The following PRDM9 variants were observed in gnomAD, a reference collection of about 807,000 sequenced individuals.
The protein encoded by PRDM9 is PR/SET domain 9.
PRDM9 carries 47 observed loss-of-function variants against 55.6 expected under a neutral mutation model. That is an observed-to-expected ratio of 0.85 (90% CI 0.67 to 1.08). The LOEUF (loss-of-function observed/expected upper bound fraction) is 1.08. Among genes scored for constraint, PRDM9 ranks in the 50% least tolerant of loss-of-function variants. PRDM9 has a pLI of 0.00. For synonymous variants in PRDM9, 312 were observed against 375.7 expected, an observed-to-expected ratio of 0.83 and a Z score of 1.96; for missense variants, 867 against 1,040.3, an observed-to-expected ratio of 0.83 and a Z score of 2.29.
chr5:23,509,363 C>A (rs529836450), intron 2 of PRDM9, 107 bp from the exon 3 acceptor site: 1 of 1,572,150 alleles, frequency 6.4e-7, no homozygotes, highest in Non-Finnish European at 8.7e-7. Context: ...TTATGTTTCA[C>A]AGAGACTCCC....
intron 4 of PRDM9, among the ~76,000 whole-genome samples, chr5:23,517,539 A>C (rs1424319332): frequency 1.3e-5 from 2 of 152,144 alleles, no homozygotes; most frequent in African/African-American, 4.8e-5. Flanking sequence ...TAATCTCAGC[A>C]CTTTGGGAGG....
chr5:23,515,149 G>C (rs1739182869), intron 4 of PRDM9, among the ~76,000 whole-genome samples: 1 of 151,770 alleles, frequency 6.6e-6, no homozygotes, highest in Non-Finnish European at 1.5e-5. Context: ...ATTTTTAGTA[G>C]AGACAGGGTT....
chr5:23,509,234 G>A, intron 2 of PRDM9, 132 bp downstream of exon 2: 2 of 1,366,930 alleles, frequency 1.5e-6, no homozygotes, highest in South Asian at 1.2e-5. Context: ...TCCTGGCCAG[G>A]ACATGGGGGA....
intron 9 of PRDM9, 111 bp downstream of exon 9, chr5:23,523,469 A>G (rs1739374569): frequency 7.0e-6 from 8 of 1,134,858 alleles, no homozygotes; most frequent in Admixed American, 3.7e-5. Flanking sequence ...CCCTATTTCT[A>G]TTTTTCTCCA....
At chr5:23,523,258 A>G in intron 8 of PRDM9, 33 bp from the exon 9 acceptor site, 1 of 1,598,374 alleles carries the variant, frequency 6.3e-7, no homozygotes, top group Non-Finnish European at 8.6e-7. Context: ...TTTACCCTCT[A>G]AAAAGCCTTT....
intron 4 of PRDM9, among the ~76,000 whole-genome samples, chr5:23,517,518 G>A (rs1473942844): frequency 1.3e-5 from 2 of 152,136 alleles, no homozygotes; most frequent in African/African-American, 4.8e-5. Flanking sequence ...CGGCATGGTG[G>A]CTCACGCCTG....
chr5:23,515,027 G>A (rs570379497), intron 4 of PRDM9, among the ~76,000 whole-genome samples: 4 of 150,564 alleles, frequency 2.7e-5, no homozygotes, highest in Admixed American at 1.3e-4. Flanking sequence ...GCAATGGAGC[G>A]ATCTCAGCTC....
At chr5:23,526,014 A>G (rs561945224) in intron 10 of PRDM9, among the ~76,000 whole-genome samples, 3 of 152,324 alleles carry the variant, frequency 2.0e-5, no homozygotes, top group Middle Eastern at 3.4e-3. Context: ...GCAGATATGT[A>G]GAAAAGGACC....
rs982303249 is a variant in PRDM9, at chr5:23,526,560, A to C, written c.1472A>C (p.Lys491Thr). ...KGQMGSCRVG[K>T]RIMEEESRTG... Reference sequence around the variant, plus strand: ...CAAATGGGGAGCTGTAGAGTGGGAAAAAGAATAATGGAAGAAGAGTCCAGA... The same window carrying C: ...CAAATGGGGAGCTGTAGAGTGGGAACAAGAATAATGGAAGAAGAGTCCAGA... Residue 491 changes from lysine to threonine, a missense_variant, in exon 11 of 11, where the codon AAA becomes ACA. Lys to Thr is a moderately conservative substitution (Grantham distance 78, BLOSUM62 -1). Transcript: ENST00000296682. The C allele has an allele frequency of 3.7e-6, 6 of 1,614,126 alleles. No individual in the cohort carries two copies. The highest frequency in any genetic ancestry group is 5.1e-6 in the Non-Finnish European group (6 of 1,180,050).
chr5:23,514,523 A>C (rs1028095074), intron 4 of PRDM9, among the ~76,000 whole-genome samples: 8 of 151,840 alleles, frequency 5.3e-5, no homozygotes, highest in African/African-American at 1.9e-4. Flanking sequence ...ATCTCAGCTC[A>C]CTGCAAACTC....
chr5:23,509,008 A>G lies in PRDM9; in HGVS notation c.-26A>G. 1 of 1,613,054 alleles carries G rather than the reference A, an allele frequency of 6.2e-7. No homozygotes were observed. Among genetic ancestry groups the G allele is most frequent in the Non-Finnish European group, 8.5e-7 (1 of 1,179,194 alleles). ...CCCTTCTCACACTCAGAATTGGAGC[A>G]GGGCCTTCTAGACAGTCCCAGCACC... is the stretch of plus-strand genomic sequence containing the variant. On this transcript the variant is annotated 5_prime_UTR_variant, in exon 2 of 11. Coordinates refer to ENST00000296682, the MANE Select transcript of PRDM9 (RefSeq NM_020227.4).
chr5:23,518,981 A>T (rs1421859471), intron 5 of PRDM9, among the ~76,000 whole-genome samples: 1 of 152,176 alleles, frequency 6.6e-6, no homozygotes, highest in Admixed American at 6.5e-5. Context: ...AATGCTGAAA[A>T]TATCTTTGAG....
In PRDM9 at chr5:23,522,345, C is replaced by T. The variant is rs181064967; in HGVS notation, c.550C>T (p.Arg184Ter). 1.1e-5 allele frequency: 17 copies of T among 1,613,998 alleles called. No homozygotes were observed. Among genetic ancestry groups the T allele is most frequent in the South Asian group, 4.4e-5 (4 of 91,072 alleles). ...GACTGAAAGAAAGATGTATAGCCTG[C>T]GAGAAAGAAAGGGTCATGCATACAA... ...KETERKMYSLRERKGHAYKEV... is the reference protein window; with the variant it reads ...KETERKMYSL Residue 184 changes from arginine to a stop codon, truncating the protein, a stop_gained, in exon 7 of 11, where the codon CGA (arginine) becomes TGA (stop). Coordinates refer to ENST00000296682, the MANE Select transcript of PRDM9 (RefSeq NM_020227.4). LOFTEE classifies it high-confidence loss of function.
chr5:23,526,636 A>T lies in PRDM9; in HGVS notation c.1548A>T (p.Val516=). ...ACACAGGCAAATTATTTGTGGGGGT[A>T]GGAATCTCAAGAATTGCAAAAGTCA... ...PGNTGKLFVG[V]GISRIAKVKY... The change falls in exon 11 of 11, where the codon GTA becomes GTT. Residue 516 remains valine (V), a synonymous_variant. Transcript: ENST00000296682. 6.2e-7 allele frequency: 1 copy of T among 1,614,250 alleles called. No homozygotes were observed. The highest frequency in any genetic ancestry group is 1.1e-5 in the South Asian group (1 of 91,088).
intron 4 of PRDM9, among the ~76,000 whole-genome samples, chr5:23,514,534 C>T (rs1007612758): frequency 3.9e-5 from 6 of 152,048 alleles, no homozygotes; most frequent in Non-Finnish European, 8.8e-5. Context: ...CTGCAAACTC[C>T]ACCTCCTGGG....
At chr5:23,524,792 G>C (rs1739401335) in intron 10 of PRDM9, among the ~76,000 whole-genome samples, 1 of 152,144 alleles carries the variant, frequency 6.6e-6, no homozygotes. Flanking sequence ...AAGACTTAAA[G>C]ACAAAAATCA....
At chr5:23,511,825 T>A (rs1429999218) in intron 4 of PRDM9, among the ~76,000 whole-genome samples, 1 of 152,124 alleles carries the variant, frequency 6.6e-6, no homozygotes, top group Non-Finnish European at 1.5e-5. Context: ...TTTTTGTATG[T>A]TTTTATTTTT....
rs1287054393 is a variant in PRDM9, at chr5:23,519,970, G to A, written c.352-1053G>A. Among the ~76,000 whole-genome samples the A allele has an allele frequency of 2.0e-5, 3 of 151,848 alleles. No homozygotes were observed. In the East Asian group the frequency reaches 5.9e-4, roughly 30 times the overall value. On this transcript the variant is annotated intron_variant, in intron 5 of 10. Coordinates refer to ENST00000296682, the MANE Select transcript of PRDM9 (RefSeq NM_020227.4). ...GAAGCAGGAGAATCGCTTGAACCCG[G>A]GAGGTGAAGGCTGCAGTGAGCTGAG... is the stretch of plus-strand genomic sequence containing the variant.
chr5:23,514,240 T>A (rs1739156119), intron 4 of PRDM9, among the ~76,000 whole-genome samples: 1 of 152,192 alleles, frequency 6.6e-6, no homozygotes, highest in South Asian at 2.1e-4. Context: ...ACACACTGGG[T>A]GGCTTAAACA....
Sources: gnomAD v4.1 joint callset for allele counts (sites outside exome capture counted in the v4.1 genomes callset) on GRCh38, gnomAD v4.1.1 for gene constraint, MANE v1.5 for transcripts, NCBI Gene and HGNC (gene_info 2026-07-23, HGNC 2026-07-21) for gene names.